PRKAG2: variants seen among roughly 807,000 people sequenced by gnomAD.
PRKAG2 encodes the protein 5'-AMP-activated protein kinase subunit gamma-2.
In PRKAG2, 26 loss-of-function variants were observed where a neutral mutation model predicts 69.6. The ratio of observed to expected loss-of-function variants is 0.37; its 90% CI spans 0.27 to 0.52. The LOEUF (loss-of-function observed/expected upper bound fraction) is 0.52. Among genes scored for constraint, PRKAG2 ranks in the 20% least tolerant of loss-of-function variants. PRKAG2 has a pLI of 0.90. For synonymous variants in PRKAG2, 293 were observed against 285.0 expected (o/e 1.03, Z -0.28); for missense variants, 557 against 740.0 (o/e 0.75, Z 2.87).
intron 1 of PRKAG2, among the ~76,000 whole-genome samples, chr7:151,840,301 G>A (rs1156280034): frequency 6.6e-6 from 1 of 152,104 alleles, no homozygotes; most frequent in Non-Finnish European, 1.5e-5. Flanking sequence ...TGCCTTCGAG[G>A]TTCCCCAGGC....
intron 1 of PRKAG2, among the ~76,000 whole-genome samples, chr7:151,822,522 G>A (rs1243598753): frequency 1.3e-5 from 2 of 152,200 alleles, no homozygotes; most frequent in East Asian, 1.9e-4. Context: ...CAGGTCCAGG[G>A]GCTCCCTTGG....
intron 5 of PRKAG2, among the ~76,000 whole-genome samples, chr7:151,627,133 C>G (rs1020858855): frequency 3.9e-5 from 6 of 152,160 alleles, no homozygotes; most frequent in Admixed American, 2.6e-4. Context: ...AAACTCTTAA[C>G]GACAGCAATA....
intron 5 of PRKAG2, among the ~76,000 whole-genome samples, chr7:151,628,175 C>T (rs1348860902): frequency 6.6e-6 from 1 of 152,186 alleles, no homozygotes; most frequent in Non-Finnish European, 1.5e-5. Flanking sequence ...ATGCGGACCG[C>T]TCTAAAGAGG....
rs2079149265 is a variant in PRKAG2 at position 151,836,417 on chromosome 7, C to A, written c.114+40090G>T. Among the ~76,000 whole-genome samples the A allele has an allele frequency of 6.6e-6, 1 of 152,212 alleles. No individual in the cohort carries two copies. Among genetic ancestry groups the A allele is most frequent in the African/African-American group, 2.4e-5 (1 of 41,462 alleles). On this transcript the variant is annotated intron_variant, in intron 1 of 15. Coordinates refer to ENST00000287878, the MANE Select transcript of PRKAG2 (RefSeq NM_016203.4). This position sits in a 1 kb window ranked among gnomAD's most constrained non-coding sequence, Gnocchi z 4.1. ...GTCCAGGCAGCTTCCCTGATCACCG[C>A]AGTGACGCTCCTGCTCAAGCTGGGA...
chr7:151,772,699 A>AC (rs1006449517), intron 3 of PRKAG2, among the ~76,000 whole-genome samples: 2 of 152,166 alleles, frequency 1.3e-5, no homozygotes, highest in Admixed American at 1.3e-4. Flanking sequence ...TTTTGGTGTG[A>AC]CCAAGAGCCA....
At chr7:151,726,677 A>G (rs1685504061) in intron 3 of PRKAG2, among the ~76,000 whole-genome samples, 14 of 152,080 alleles carry the variant, frequency 9.2e-5, no homozygotes, top group Admixed American at 9.2e-4. Context: ...CATCTCACAA[A>G]GTGCAAGTGA....
At chr7:151,821,682 G>A (rs1222393528) in intron 1 of PRKAG2, among the ~76,000 whole-genome samples, 1 of 151,998 alleles carries the variant, frequency 6.6e-6, no homozygotes, top group African/African-American at 2.4e-5. Flanking sequence ...TGGATTCCTC[G>A]TCCTGAGCAC....
At chr7:151,733,639 C>T (rs1005516467) in intron 3 of PRKAG2, among the ~76,000 whole-genome samples, 6 of 151,974 alleles carry the variant, frequency 3.9e-5, no homozygotes, top group South Asian at 2.1e-4. Context: ...GTGAGTCTCC[C>T]GTCTAGGATT....
intron 5 of PRKAG2, among the ~76,000 whole-genome samples, chr7:151,596,675 G>T (rs1424267642): frequency 6.6e-6 from 1 of 152,154 alleles, no homozygotes; most frequent in Non-Finnish European, 1.5e-5. Context: ...CTTGAACCTG[G>T]GAGGCGGAGG....
At chr7:151,751,247 G>A (rs1253106827) in intron 3 of PRKAG2, among the ~76,000 whole-genome samples, 4 of 151,296 alleles carry the variant, frequency 2.6e-5, no homozygotes, top group Non-Finnish European at 4.4e-5. Flanking sequence ...ACAGGTGCCC[G>A]CCACCATGCC....
rs1182924935 is a variant in PRKAG2, at chr7:151,824,177, T to A, written c.115-37636A>T. On this transcript the variant is annotated intron_variant, in intron 1 of 15. Transcript: ENST00000287878. The stretch of plus-strand genomic sequence containing the variant: ...ACTTCAGGGACTCAAGGGCATGCCG[T>A]AAATCGCCCTTGGTTCAGAATATTC... 2.2e-4 allele frequency among the ~76,000 whole-genome samples: 34 copies of A among 152,188 alleles called. 1 individual carries two copies. Among genetic ancestry groups the A allele is most frequent in the Admixed American group, 2.2e-3 (34 of 15,288 alleles).
intron 1 of PRKAG2, among the ~76,000 whole-genome samples, chr7:151,823,471 A>G (rs1236401009): frequency 6.7e-6 from 1 of 150,076 alleles, no homozygotes; most frequent in African/African-American, 2.4e-5. Context: ...GAGTGGTCAC[A>G]TGGGCCAGGC....
chr7:151,673,355 C>T (rs1012346223), intron 4 of PRKAG2, among the ~76,000 whole-genome samples: 1 of 152,186 alleles, frequency 6.6e-6, no homozygotes, highest in African/African-American at 2.4e-5. Flanking sequence ...ACTGACAGTA[C>T]TCCAGGCTCA....
chr7:151,579,827 C>A (rs992260317), intron 6 of PRKAG2, among the ~76,000 whole-genome samples: 3 of 152,082 alleles, frequency 2.0e-5, no homozygotes, highest in Non-Finnish European at 4.4e-5. Flanking sequence ...GACACATTGG[C>A]TTTCAAAAGG....
intron 4 of PRKAG2, among the ~76,000 whole-genome samples, chr7:151,641,785 A>G (rs1438801781): frequency 1.3e-5 from 2 of 152,160 alleles, no homozygotes; most frequent in Non-Finnish European, 2.9e-5. Context: ...CACTGGGATT[A>G]TAGGCATGAG....
chr7:151,593,299 C>T (rs1462014134), intron 6 of PRKAG2, among the ~76,000 whole-genome samples: 1 of 152,132 alleles, frequency 6.6e-6, no homozygotes, highest in South Asian at 2.1e-4. Context: ...GCGACCCTCC[C>T]GCCTCAGCCT....
chr7:151,838,571 G>T (rs1365019057), intron 1 of PRKAG2, among the ~76,000 whole-genome samples: 19 of 151,828 alleles, frequency 1.3e-4, no homozygotes, highest in African/African-American at 3.9e-4. Flanking sequence ...GCCAGGTGTG[G>T]TGGTGCATGC....
In PRKAG2 at chr7:151,873,802, G is replaced by A. The variant is rs1025324184; in HGVS notation, c.114+2705C>T. ...GTTCTGGATTTTGTCTCACACTATC[G>A]CTGGCACCACCCCACGGGCACGCCC... On this transcript the variant is annotated intron_variant, in intron 1 of 15. Transcript: ENST00000287878. Among the ~76,000 whole-genome samples the A allele has an allele frequency of 3.3e-5, 5 of 152,112 alleles. No individual in the cohort carries two copies. The East Asian group carries it at 5.8e-4, about 18-fold the overall frequency.
intron 3 of PRKAG2, among the ~76,000 whole-genome samples, chr7:151,716,082 A>C (rs1240415149): frequency 1.3e-5 from 2 of 152,178 alleles, no homozygotes; most frequent in Admixed American, 1.3e-4. Flanking sequence ...CAGAGGACAC[A>C]CAGGGCTTCA....
Sources: allele counts gnomAD v4.1 joint callset (sites outside exome capture counted in the v4.1 genomes callset), GRCh38; gene constraint gnomAD v4.1.1; non-coding constraint Gnocchi (gnomAD v3.1); transcripts MANE v1.5; gene names NCBI Gene and HGNC (gene_info 2026-07-23, HGNC 2026-07-21).